Variants in LRRC9 observed in about 807,000 individuals in gnomAD.
LRRC9 encodes the protein leucine rich repeat containing 9.
A neutral mutation model predicts 63.2 loss-of-function variants in LRRC9; 122 were observed. That is an observed-to-expected ratio of 1.93 (90% confidence interval 1.67 to 2.24). The LOEUF (loss-of-function observed/expected upper bound fraction) is 2.24, where lower values mean the gene tolerates loss of function less well. LRRC9 is among the 30% of genes most tolerant of loss of function. LRRC9 has a pLI of 0.00. For synonymous variants in LRRC9, 366 were observed against 213.1 expected, an observed-to-expected ratio of 1.72 and a Z score of -6.25; for missense variants, 1,071 against 627.7, an observed-to-expected ratio of 1.71 and a Z score of -7.55.
chr14:59,979,462 A>T (rs896101763), intron 15 of LRRC9, among the ~76,000 whole-genome samples: 2 of 151,790 alleles, frequency 1.3e-5, no homozygotes, highest in Non-Finnish European at 2.9e-5. Flanking sequence ...AATACAAAAC[A>T]TTAGCCGGCC....
rs1447330342 is a variant in LRRC9, at chr14:60,004,499, A to G, written c.2842+701A>G. On this transcript the variant is annotated intron_variant, in intron 21 of 31. Coordinates refer to ENST00000445360, the Ensembl canonical transcript of LRRC9. This position sits in a 1 kb window ranked among gnomAD's most constrained non-coding sequence, Gnocchi z 4.8. ...ATACCAATATAATATATTTTATTTGACTGTTTAAAGTTCAGTATTAAAACA... is the reference window on the plus strand; with the variant it reads ...ATACCAATATAATATATTTTATTTGGCTGTTTAAAGTTCAGTATTAAAACA... Among the ~76,000 whole-genome samples the G allele has an allele frequency of 6.6e-6, 1 of 152,068 alleles. No homozygotes were observed. The highest frequency in any genetic ancestry group is 1.9e-4 in the East Asian group (1 of 5,200).
At chr14:59,951,854 C>T (rs931197334) in intron 8 of LRRC9, among the ~76,000 whole-genome samples, 18 of 152,240 alleles carry the variant, frequency 1.2e-4, no homozygotes, top group African/African-American at 4.3e-4. Flanking sequence ...GCAGTCTGCC[C>T]GTTCTCAGAT....
chr14:59,952,779 G>C lies in LRRC9; in HGVS notation c.883-7039G>C, dbSNP rs1883308654. On this transcript the variant is annotated intron_variant, in intron 8 of 31. Coordinates refer to ENST00000445360, the Ensembl canonical transcript of LRRC9. ...TAGGTTTTAAGCCCCGCATGCATTA[G>C]GTATTTGTCCTAATGCTCTCCCTCC... Among the ~76,000 whole-genome samples, 3 of 152,098 alleles carry C rather than the reference G, an allele frequency of 2.0e-5. No homozygotes were observed. In the South Asian group the frequency reaches 6.2e-4, roughly 32 times the overall value.
chr14:59,936,996 T>A lies in LRRC9; in HGVS notation c.544-1394T>A, dbSNP rs1343224603. On this transcript the variant is annotated intron_variant, in intron 6 of 31. Coordinates refer to ENST00000445360, the Ensembl canonical transcript of LRRC9. This position sits in a 1 kb window ranked among gnomAD's most constrained non-coding sequence, Gnocchi z 4.2. ...CAAGTTTGACCCCACCACAGTACCC[T>A]CCTACCTCAGGCACCATCCTGGTAA... Among the ~76,000 whole-genome samples the A allele has an allele frequency of 6.6e-6, 1 of 151,984 alleles. No homozygotes were observed. Among genetic ancestry groups the A allele is most frequent in the Non-Finnish European group, 1.5e-5 (1 of 67,932 alleles).
At chr14:60,015,643 T>C (rs1890617241) in intron 23 of LRRC9, among the ~76,000 whole-genome samples, 1 of 152,148 alleles carries the variant, frequency 6.6e-6, no homozygotes, top group Middle Eastern at 3.2e-3. Flanking sequence ...CCTTCACTGA[T>C]TCATCCTGGC....
intron 26 of LRRC9, 26 bp from the exon 27 acceptor site, chr14:60,022,708 G>A (rs1891207690): frequency 3.5e-6 from 2 of 564,450 alleles, no homozygotes. Context: ...TAAGTTTATG[G>A]CCTCAAACTT....
At chr14:60,041,248 C>G (rs1024428908) in intron 29 of LRRC9, among the ~76,000 whole-genome samples, 1 of 152,070 alleles carries the variant, frequency 6.6e-6, no homozygotes, top group Admixed American at 6.5e-5. Flanking sequence ...TTGAGTTGCT[C>G]TTCTTGAGGA....
chr14:59,925,090 C>T (rs1172074377), intron 1 of LRRC9, among the ~76,000 whole-genome samples: 1 of 151,978 alleles, frequency 6.6e-6, no homozygotes, highest in African/African-American at 2.4e-5. Context: ...TGTCTTATGC[C>T]TTCAATATGA....
chr14:60,030,475 T>G (rs1417579648), intron 28 of LRRC9: 1 of 152,072 alleles, frequency 6.6e-6, no homozygotes. Context: ...TTCCCCTACC[T>G]GGCATCCAGC....
At chr14:60,063,354 C>T (rs1016461260) in exon 32 of LRRC9, 7 of 700,928 alleles carry the variant, frequency 1.0e-5, no homozygotes, top group Middle Eastern at 2.3e-4. Flanking sequence ...AAGATCAAAT[C>T]GAATGTAACT....
rs1307730866 is a variant in LRRC9 at position 59,927,636 on chromosome 14, G to A, written c.-33-275G>A. 6.6e-6 allele frequency among the ~76,000 whole-genome samples: 1 copy of A among 150,966 alleles called. No individual in the cohort carries two copies. Among genetic ancestry groups the A allele is most frequent in the Non-Finnish European group, 1.5e-5 (1 of 67,542 alleles). On this transcript the variant is annotated intron_variant, in intron 1 of 31. Coordinates refer to ENST00000445360, the Ensembl canonical transcript of LRRC9. This position sits in a 1 kb window ranked among gnomAD's most constrained non-coding sequence, Gnocchi z 4.4. Reference sequence around the variant, plus strand: ...GATGAGAGATGACCATTTTCTTCAAGTATTGAAGGCTCATCGTGTGGAAAA... The same window carrying A: ...GATGAGAGATGACCATTTTCTTCAAATATTGAAGGCTCATCGTGTGGAAAA...
chr14:60,030,427 C>T (rs555777975), intron 28 of LRRC9: 2 of 151,994 alleles, frequency 1.3e-5, no homozygotes, highest in Non-Finnish European at 2.9e-5. Context: ...TTATTTAATT[C>T]ACCTTGATAG....
chr14:59,938,835 G>GA lies in LRRC9; in HGVS notation c.726+271dup, dbSNP rs978214911. 7.5e-6 allele frequency among the ~76,000 whole-genome samples: 1 copy of GA among 132,504 alleles called. No homozygotes were observed. Among genetic ancestry groups the GA allele is most frequent in the East Asian group, 2.5e-4 (1 of 3,950 alleles). The allele number at this position is 132,504 out of a possible 152,430, so 86.9% of individuals were successfully genotyped here. Reference sequence around the variant, plus strand: ...ATCTATACAAAACAAGAAGGAAATTGAAAAAAAATCAGTGTTAAAAATAGA... The same window carrying GA: ...ATCTATACAAAACAAGAAGGAAATTGAAAAAAAAATCAGTGTTAAAAATAGA... On this transcript the variant is annotated intron_variant, in intron 7 of 31. Transcript: ENST00000445360. This position sits in a 1 kb window ranked among gnomAD's most constrained non-coding sequence, Gnocchi z 4.2.
At chr14:59,974,216 A>G (rs1354609045) in intron 12 of LRRC9, among the ~76,000 whole-genome samples, 1 of 152,102 alleles carries the variant, frequency 6.6e-6, no homozygotes, top group Non-Finnish European at 1.5e-5. Context: ...ATCTTCACTG[A>G]TATAATACCT....
At chr14:60,016,701 T>C (rs942318128) in exon 24 of LRRC9, 2 of 701,224 alleles carry the variant, frequency 2.9e-6, no homozygotes, top group Non-Finnish European at 5.2e-6. Flanking sequence ...TGTTTGGTGG[T>C]AGACTTACTT....
chr14:60,043,692 A>G (rs1893147493), intron 29 of LRRC9, among the ~76,000 whole-genome samples: 1 of 145,434 alleles, frequency 6.9e-6, no homozygotes, highest in African/African-American at 2.6e-5. Flanking sequence ...TTAGTTTGTT[A>G]GTATTTTGTT....
intron 29 of LRRC9, among the ~76,000 whole-genome samples, chr14:60,034,365 T>A (rs191797579): frequency 6.9e-4 from 105 of 152,294 alleles, no homozygotes; most frequent in African/African-American, 2.5e-3. Flanking sequence ...GAATTGTTTT[T>A]CATTTATTTT....
exon 8 of LRRC9, chr14:59,944,660 C>T: frequency 1.5e-6 from 1 of 665,048 alleles, no homozygotes; most frequent in Non-Finnish European, 2.7e-6. Flanking sequence ...TTAAAGAAGA[C>T]CTTGAAAAAC....
intron 8 of LRRC9, among the ~76,000 whole-genome samples, chr14:59,954,366 G>T (rs1178926628): frequency 6.6e-6 from 1 of 151,956 alleles, no homozygotes; most frequent in Non-Finnish European, 1.5e-5. Flanking sequence ...TTCTTGAAGA[G>T]GTCCTTCATG....
Sources: gnomAD v4.1 joint callset for allele counts (sites outside exome capture counted in the v4.1 genomes callset) on GRCh38, gnomAD v4.1.1 for gene constraint, Gnocchi (gnomAD v3.1) non-coding constraint, MANE v1.5 for transcripts, NCBI Gene and HGNC (gene_info 2026-07-23, HGNC 2026-07-21) for gene names.